The following CAMKMT variants were observed in gnomAD, a reference collection of about 807,000 sequenced individuals.
CAMKMT encodes the protein CaM KMT.
In CAMKMT, 53 loss-of-function variants were observed where a neutral mutation model predicts 48.0. That is an observed-to-expected ratio of 1.10 (90% confidence interval 0.89 to 1.39). CAMKMT has a LOEUF of 1.39. Among genes scored for constraint, CAMKMT ranks in the 40% most tolerant of loss-of-function variants. The probability of loss-of-function intolerance (pLI) is 0.00; values close to 1 mark genes in which losing one functional copy is unlikely to be tolerated. For missense variants in CAMKMT, 428 were observed against 402.7 expected (o/e 1.06, Z -0.54); for synonymous variants, 165 against 152.3 (o/e 1.08, Z -0.61).
Position 44,362,762 on chromosome 2 carries a change from T to C in CAMKMT, c.138+617T>C, listed in dbSNP as rs527824648. On this transcript the variant is annotated intron_variant, in intron 1 of 10. Coordinates refer to ENST00000378494, the MANE Select transcript of CAMKMT (RefSeq NM_024766.5). ...GAGATTCTCCGTGTCCAAGGTGGGC[T>C]AGTCAAAGTGTGTTCGTTTTTGAAT... Among the ~76,000 whole-genome samples, 7 of 152,360 alleles carry C rather than the reference T, an allele frequency of 4.6e-5. No homozygotes were observed. In the South Asian group the frequency reaches 1.4e-3, roughly 32 times the overall value.
At chr2:44,592,922 A>G (rs1670394592) in intron 3 of CAMKMT, among the ~76,000 whole-genome samples, 1 of 152,232 alleles carries the variant, frequency 6.6e-6, no homozygotes, top group Non-Finnish European at 1.5e-5. Context: ...ATAAATGTCA[A>G]TTAAGTTGGT....
At chr2:44,378,352 A>G (rs1196520105) in intron 2 of CAMKMT, among the ~76,000 whole-genome samples, 1 of 152,252 alleles carries the variant, frequency 6.6e-6, no homozygotes, top group Non-Finnish European at 1.5e-5. Context: ...TAGTACATGT[A>G]GAAACCATCT....
At chr2:44,612,269 T>G (rs1187335828) in intron 3 of CAMKMT, among the ~76,000 whole-genome samples, 1 of 152,180 alleles carries the variant, frequency 6.6e-6, no homozygotes. Context: ...ATAACCAGCA[T>G]ATATTGCTGT....
intron 9 of CAMKMT, among the ~76,000 whole-genome samples, chr2:44,765,908 A>C (rs1680822978): frequency 6.6e-6 from 1 of 152,230 alleles, no homozygotes; most frequent in African/African-American, 2.4e-5. Flanking sequence ...GGCAGGACTG[A>C]AATATGAAAA....
chr2:44,579,080 A>T (rs1164802033), intron 3 of CAMKMT, among the ~76,000 whole-genome samples: 1 of 152,216 alleles, frequency 6.6e-6, no homozygotes. Context: ...AAAAGCAGAC[A>T]TATTTCTTTG....
At chr2:44,750,236 C>T (rs1048489364) in intron 8 of CAMKMT, among the ~76,000 whole-genome samples, 22 of 152,084 alleles carry the variant, frequency 1.4e-4, no homozygotes, top group Non-Finnish European at 2.6e-4. Context: ...CTGCAGCCTC[C>T]GCCTCCGCCT....
chr2:44,555,343 A>G (rs1667950354), intron 3 of CAMKMT, among the ~76,000 whole-genome samples: 1 of 152,202 alleles, frequency 6.6e-6, no homozygotes, highest in Non-Finnish European at 1.5e-5. Flanking sequence ...AAAGTGTGGG[A>G]TAAGGGACAA....
intron 3 of CAMKMT, among the ~76,000 whole-genome samples, chr2:44,683,013 G>C (rs1676111143): frequency 6.6e-6 from 1 of 152,108 alleles, no homozygotes; most frequent in African/African-American, 2.4e-5. Context: ...ATTATATAAA[G>C]CAAGGCACAC....
intron 7 of CAMKMT, among the ~76,000 whole-genome samples, chr2:44,743,343 G>C (rs1003751677): frequency 6.6e-6 from 1 of 151,956 alleles, no homozygotes; most frequent in Non-Finnish European, 1.5e-5. Flanking sequence ...AATGACTACG[G>C]TAAAGATAAG....
At chr2:44,372,516 T>C (rs953131328) in intron 1 of CAMKMT, among the ~76,000 whole-genome samples, 200 bp from the exon 2 acceptor site, 5 of 151,990 alleles carry the variant, frequency 3.3e-5, no homozygotes, top group Non-Finnish European at 7.4e-5. Context: ...CTGTCTTTGC[T>C]CTCTGATGTC....
At chr2:44,771,903 C>G in intron 10 of CAMKMT, 133 bp from the exon 11 acceptor site, 1 of 582,172 alleles carries the variant, frequency 1.7e-6, no homozygotes, top group African/African-American at 1.9e-5. Flanking sequence ...CTTTGAGTTG[C>G]TTTTCTGTGA....
At chr2:44,387,496 T>C (rs1312038818) in intron 2 of CAMKMT, among the ~76,000 whole-genome samples, 1 of 152,232 alleles carries the variant, frequency 6.6e-6, no homozygotes, top group Admixed American at 6.5e-5. Flanking sequence ...GTGGAGCGTT[T>C]AGGCTATTTA....
At chr2:44,389,881 G>C (rs1052349932) in intron 2 of CAMKMT, among the ~76,000 whole-genome samples, 8 of 152,162 alleles carry the variant, frequency 5.3e-5, no homozygotes, top group Non-Finnish European at 1.2e-4. Flanking sequence ...TGTTGAGTGT[G>C]GTTCTGGAAG....
At chr2:44,582,924 C>G (rs1669641186) in intron 3 of CAMKMT, among the ~76,000 whole-genome samples, 1 of 152,118 alleles carries the variant, frequency 6.6e-6, no homozygotes, top group South Asian at 2.1e-4. Flanking sequence ...TGTGTATATT[C>G]CTTTCCTTTA....
At chr2:44,437,889 C>G (rs1416484646) in intron 3 of CAMKMT, among the ~76,000 whole-genome samples, 1 of 149,832 alleles carries the variant, frequency 6.7e-6, no homozygotes, top group Non-Finnish European at 1.5e-5. Flanking sequence ...CAGAGAACTA[C>G]TACCTTCTCT....
At chr2:44,546,865 G>A (rs934802302) in intron 3 of CAMKMT, among the ~76,000 whole-genome samples, 2 of 152,170 alleles carry the variant, frequency 1.3e-5, no homozygotes, top group African/African-American at 4.8e-5. Context: ...ACAGTGTAGT[G>A]CACACTGAGA....
intron 3 of CAMKMT, among the ~76,000 whole-genome samples, chr2:44,566,961 G>A (rs945478746): frequency 3.9e-5 from 6 of 152,110 alleles, no homozygotes; most frequent in South Asian, 2.1e-4. Flanking sequence ...TTAAACAGTC[G>A]TAGTAGTAGT....
chr2:44,425,533 A>G (rs868182023), intron 3 of CAMKMT, among the ~76,000 whole-genome samples: 6 of 152,200 alleles, frequency 3.9e-5, no homozygotes, highest in Non-Finnish European at 5.9e-5. Context: ...TTTTACATTC[A>G]TATATTTATA....
Position 44,445,645 on chromosome 2 carries a change from GTTTTTTTTTTTTTTTTT to G in CAMKMT, c.376+55372_376+55388del, listed in dbSNP as rs869258613. ...AGTCCAACATGTCGGCAAAAGGGTAGTTTTTTTTTTTTTTTTTTTTTTTTTTTTTTTTTTTTTTTTTT... is the reference window on the plus strand; with the variant it reads ...AGTCCAACATGTCGGCAAAAGGGTAGTTTTTTTTTTTTTTTTTTTTTTTTT... On this transcript the variant is annotated intron_variant, in intron 3 of 10. Transcript: ENST00000378494. 5.7e-4 allele frequency among the ~76,000 whole-genome samples: 58 copies of G among 101,402 alleles called. 1 individual carries two copies. Among genetic ancestry groups the G allele is most frequent in the African/African-American group, 1.5e-3 (42 of 27,346 alleles). 66.5% of individuals were successfully genotyped at this position (101,402 alleles called of 152,430 possible).
Sources: allele counts gnomAD v4.1 joint callset (sites outside exome capture counted in the v4.1 genomes callset), GRCh38; gene constraint gnomAD v4.1.1; transcripts MANE v1.5; gene names NCBI Gene and HGNC (gene_info 2026-07-23, HGNC 2026-07-21).